The following LAMP2 variants were observed in gnomAD, a reference collection of about 807,000 sequenced individuals.
The protein encoded by LAMP2 is lysosome associated membrane protein 2, also known as lysosome-associated membrane glycoprotein 2.
LAMP2 carries 4 observed loss-of-function variants against 25.6 expected under a neutral mutation model. The ratio of observed to expected loss-of-function variants is 0.16; its 90% confidence interval spans 0.08 to 0.36. The LOEUF (loss-of-function observed/expected upper bound fraction) is 0.36. Ranked by LOEUF, LAMP2 falls within the 10% of genes least tolerant of loss-of-function variation. LAMP2 has a pLI of 1.00. For missense variants in LAMP2, 272 were observed against 301.4 expected, an observed-to-expected ratio of 0.90 and a Z score of 0.72; for synonymous variants, 108 against 112.7, an observed-to-expected ratio of 0.96 and a Z score of 0.27.
At chrX:120,454,861 G>A (rs1216318024) in intron 3 of LAMP2, among the ~76,000 whole-genome samples, 1 of 101,342 alleles carries the variant, frequency 9.9e-6, no homozygotes, top group Non-Finnish European at 2.0e-5. Flanking sequence ...GTGAGATGCT[G>A]CAGGTAACAC....
At chrX:120,449,782 CAT>C (rs1054988588) in intron 3 of LAMP2, among the ~76,000 whole-genome samples, 4 of 111,344 alleles carry the variant, frequency 3.6e-5, no homozygotes, top group African/African-American at 9.8e-5. Flanking sequence ...GAAAATAACA[CAT>C]ATATAATTTA....
At chrX:120,453,578 G>A (rs1477055943) in intron 3 of LAMP2, among the ~76,000 whole-genome samples, 1 of 112,317 alleles carries the variant, frequency 8.9e-6, no homozygotes, top group Non-Finnish European at 1.9e-5. Flanking sequence ...GGGAGGCTGA[G>A]GTGGGTGGAT....
chrX:120,441,907 G>A lies in LAMP2; in HGVS notation c.929-13C>T. On this transcript the variant is annotated splice_polypyrimidine_tract_variant and intron_variant, in intron 7 of 8. Coordinates refer to ENST00000200639, the MANE Select transcript of LAMP2 (RefSeq NM_002294.3). ...GCAATGCTGAAAACTTCAAAGAAAAGAAACAGGTTAGTAACTTCTTATCCT... is the reference window on the plus strand; with the variant it reads ...GCAATGCTGAAAACTTCAAAGAAAAAAAACAGGTTAGTAACTTCTTATCCT... 8.3e-7 allele frequency: 1 copy of A among 1,200,418 alleles called. No individual in the cohort carries two copies. Among genetic ancestry groups the A allele is most frequent in the Non-Finnish European group, 1.1e-6 (1 of 885,371 alleles).
intron 8 of LAMP2, among the ~76,000 whole-genome samples, chrX:120,436,226 C>T (rs1486173026): frequency 2.8e-5 from 3 of 108,392 alleles, no homozygotes; most frequent in African/African-American, 6.8e-5. Flanking sequence ...AGACCTACTA[C>T]GTTAAATCCT....
intron 1 of LAMP2, among the ~76,000 whole-genome samples, chrX:120,465,263 G>A (rs1002670699): frequency 9.2e-6 from 1 of 108,686 alleles, no homozygotes; most frequent in Non-Finnish European, 1.9e-5. Context: ...TTTCTGTGAG[G>A]TTTTTCCCAC....
At chrX:120,461,465 C>A (rs1220133319) in intron 1 of LAMP2, among the ~76,000 whole-genome samples, 1 of 111,655 alleles carries the variant, frequency 9.0e-6, no homozygotes, top group Non-Finnish European at 1.9e-5. Context: ...TTATAGTATA[C>A]AGTAAGTAAT....
intron 7 of LAMP2, among the ~76,000 whole-genome samples, chrX:120,442,379 T>TCC (rs1056885739): frequency 1.2e-4 from 13 of 111,322 alleles, no homozygotes; most frequent in Non-Finnish European, 1.1e-4. Context: ...ATCAGTCATA[T>TCC]CCTTAATTAT....
In LAMP2 at chrX:120,428,421, C is replaced by T. The variant is rs749628026; in HGVS notation, c.*2902G>A. On this transcript the variant is annotated 3_prime_UTR_variant, in exon 9 of 9. Transcript: ENST00000200639. ...CAATCTATTGCACAGCATGTCCTGGCTTTTAGCCAATGGAAACGTAACTTC... is the reference window on the plus strand; with the variant it reads ...CAATCTATTGCACAGCATGTCCTGGTTTTTAGCCAATGGAAACGTAACTTC... 3.6e-5 allele frequency: 40 copies of T among 1,126,380 alleles called. No homozygotes were observed. Among genetic ancestry groups the T allele is most frequent in the Non-Finnish European group, 3.7e-5 (32 of 858,632 alleles). The allele number at this position is 1,126,380 out of a possible 1,213,427, so 92.8% of individuals were successfully genotyped here.
intron 8 of LAMP2, among the ~76,000 whole-genome samples, chrX:120,433,053 AACCCTTGGG>A (rs2147274036): frequency 8.9e-6 from 1 of 112,093 alleles, no homozygotes; most frequent in African/African-American, 3.2e-5. Context: ...CAGAGACAAA[AACCCTTGGG>A]AACACCAATA....
intron 7 of LAMP2, 42 bp from the exon 8 acceptor site, chrX:120,441,936 A>G (rs752883783): frequency 2.6e-6 from 3 of 1,145,523 alleles, no homozygotes; most frequent in African/African-American, 3.6e-5. Context: ...TTATCCTATC[A>G]ACATCAAAAA....
chrX:120,449,168 AG>A (rs772936204), intron 3 of LAMP2, 40 bp from the exon 4 acceptor site: 1 of 1,032,197 alleles, frequency 9.7e-7, no homozygotes, highest in South Asian at 1.9e-5. Flanking sequence ...CCAAGAAGGT[AG>A]GAGAAAAGTG....
chrX:120,458,495 C>T (rs560508736), intron 1 of LAMP2, among the ~76,000 whole-genome samples: 5 of 111,424 alleles, frequency 4.5e-5, no homozygotes, highest in East Asian at 2.8e-4. Context: ...CCTGGTGGCC[C>T]GTAAACAAGA....
Position 120,429,831 on chromosome X carries a change from A to G in LAMP2, c.*1492T>C, listed in dbSNP as rs185680374. ...CTCCCCTTTCTGTAAATAATCGTTA[A>G]GGTCCTTTCCAGTAATAGCTAATGA... On this transcript the variant is annotated 3_prime_UTR_variant, in exon 9 of 9. Coordinates refer to ENST00000200639, the MANE Select transcript of LAMP2 (RefSeq NM_002294.3). The G allele has an allele frequency of 3.9e-4, 292 of 752,010 alleles. 1 individual carries two copies. The African/African-American group carries it at 6.4e-3, about 17-fold the overall frequency. 62.0% of individuals were successfully genotyped at this position (752,010 alleles called of 1,213,427 possible).
intron 1 of LAMP2, among the ~76,000 whole-genome samples, chrX:120,461,362 T>C (rs1395382961): frequency 8.9e-6 from 1 of 112,102 alleles, no homozygotes; most frequent in Non-Finnish European, 1.9e-5. Flanking sequence ...TCAGTTATTT[T>C]ATAGCAGTAA....
rs1346485696 is a variant in LAMP2, at chrX:120,448,532, T to G, written c.556+438A>C. On this transcript the variant is annotated intron_variant, in intron 4 of 8. Coordinates refer to ENST00000200639, the MANE Select transcript of LAMP2 (RefSeq NM_002294.3). The stretch of plus-strand genomic sequence containing the variant: ...GGCATTTCAACCTCTTCTTGGGAAG[T>G]GTTCATAGTTTTCCAGAACTGGTGA... Among the ~76,000 whole-genome samples, 3 of 112,989 alleles carry G rather than the reference T, an allele frequency of 2.7e-5. No individual in the cohort carries two copies. In the East Asian group the frequency reaches 8.3e-4, roughly 31 times the overall value.
chrX:120,462,425 C>T (rs952821900), intron 1 of LAMP2, among the ~76,000 whole-genome samples: 4 of 104,367 alleles, frequency 3.8e-5, no homozygotes, highest in African/African-American at 1.4e-4. Flanking sequence ...GGGAGGCTGA[C>T]ATGGGAGGAT....
chrX:120,464,562 T>C (rs1431473104), intron 1 of LAMP2, among the ~76,000 whole-genome samples: 1 of 111,155 alleles, frequency 9.0e-6, no homozygotes, highest in Non-Finnish European at 1.9e-5. Flanking sequence ...AATGATAAGA[T>C]TTATTCCTAT....
intron 1 of LAMP2, among the ~76,000 whole-genome samples, chrX:120,464,659 C>T (rs1002931671): frequency 8.9e-6 from 1 of 112,280 alleles, no homozygotes; most frequent in African/African-American, 3.2e-5. Context: ...CCTCTGACCA[C>T]ATAATATAAA....
intron 8 of LAMP2, chrX:120,438,471 A>C: frequency 2.7e-6 from 2 of 731,665 alleles, no homozygotes; most frequent in Non-Finnish European, 3.2e-6. Flanking sequence ...TTTTAAAAAA[A>C]AGATTAAACA....
Sources: gnomAD v4.1 joint callset for allele counts (sites outside exome capture counted in the v4.1 genomes callset) on GRCh38, gnomAD v4.1.1 for gene constraint, MANE v1.5 for transcripts, NCBI Gene and HGNC (gene_info 2026-07-23, HGNC 2026-07-21) for gene names.